Variants in SYTL5 observed in about 807,000 individuals in gnomAD.
SYTL5 encodes synaptotagmin-like protein 5.
In SYTL5, 34 loss-of-function variants were observed where a neutral mutation model predicts 55.9. That is an observed-to-expected ratio of 0.61 (90% CI 0.46 to 0.81). The LOEUF is 0.81. Among genes scored for constraint, SYTL5 ranks in the 30% least tolerant of loss-of-function variants. The pLI is 0.00. For missense variants in SYTL5, 637 were observed against 546.7 expected (o/e 1.17, Z -1.65); for synonymous variants, 221 against 188.7 (o/e 1.17, Z -1.40).
At chrX:37,940,024 T>C in the SYTL5 span, among the ~76,000 whole-genome samples, 2 of 109,969 alleles carry the variant, frequency 1.8e-5, no homozygotes, top group African/African-American at 6.6e-5. Context: ...TTAGTAGAGA[T>C]GAGGTTTCAC....
chrX:37,891,722 G>A, the SYTL5 span, among the ~76,000 whole-genome samples: 1 of 111,615 alleles, frequency 9.0e-6, no homozygotes, highest in Non-Finnish European at 1.9e-5. Flanking sequence ...TTTCATATGA[G>A]TGTTTGTGTT....
the SYTL5 span, among the ~76,000 whole-genome samples, chrX:37,970,500 T>G: frequency 8.4e-3 from 930 of 110,852 alleles, 6 homozygotes; most frequent in Middle Eastern, 0.02. Context: ...ATAAGAATAT[T>G]TTTTTAAAAA....
chrX:37,904,942 T>C, the SYTL5 span, among the ~76,000 whole-genome samples: 9 of 111,185 alleles, frequency 8.1e-5, no homozygotes, highest in Admixed American at 2.9e-4. Flanking sequence ...CCTTCCAGTT[T>C]TGATATGGTG....
the SYTL5 span, among the ~76,000 whole-genome samples, chrX:37,916,415 A>G: frequency 6.8e-3 from 762 of 112,817 alleles, 6 homozygotes; most frequent in African/African-American, 0.023. Context: ...CTGCTTAAGC[A>G]TACAGGAAAG....
At chrX:37,931,500 A>G in the SYTL5 span, among the ~76,000 whole-genome samples, 1 of 111,737 alleles carries the variant, frequency 8.9e-6, no homozygotes, top group South Asian at 3.7e-4. Flanking sequence ...ATAAAAAGTG[A>G]CTATATCACT....
chrX:37,930,616 A>AT, the SYTL5 span, among the ~76,000 whole-genome samples: 14 of 111,856 alleles, frequency 1.3e-4, no homozygotes, highest in Non-Finnish European at 2.4e-4. Context: ...GGGGAAGTAC[A>AT]TTTTTCCTTG....
chrX:37,959,879 G>A, the SYTL5 span, among the ~76,000 whole-genome samples: 1 of 111,631 alleles, frequency 9.0e-6, no homozygotes, highest in Non-Finnish European at 1.9e-5. Flanking sequence ...GGCTGTTCAT[G>A]CCATCCTTTG....
chrX:38,061,383 C>T (rs186710348), intron 3 of SYTL5, among the ~76,000 whole-genome samples: 2 of 111,588 alleles, frequency 1.8e-5, no homozygotes, highest in African/African-American at 3.3e-5. Flanking sequence ...AAAACGGAAG[C>T]ATAAATAATA....
chrX:37,893,552 G>T, the SYTL5 span, among the ~76,000 whole-genome samples: 1 of 84,246 alleles, frequency 1.2e-5, no homozygotes, highest in South Asian at 5.2e-4. Flanking sequence ...ATAATCTATA[G>T]ATTATAGATT....
intron 13 of SYTL5, among the ~76,000 whole-genome samples, chrX:38,111,586 T>A (rs192392784): frequency 3.6e-5 from 4 of 112,334 alleles, no homozygotes; most frequent in Non-Finnish European, 7.5e-5. Context: ...TCTCTTCTTA[T>A]CTTCATTGGC....
chrX:37,909,380 T>C, the SYTL5 span, among the ~76,000 whole-genome samples: 1 of 112,438 alleles, frequency 8.9e-6, no homozygotes, highest in Non-Finnish European at 1.9e-5. Flanking sequence ...ATCAAGCTTG[T>C]CCAACCTGTG....
At chrX:37,905,445 G>T in the SYTL5 span, among the ~76,000 whole-genome samples, 2 of 106,532 alleles carry the variant, frequency 1.9e-5, no homozygotes, top group African/African-American at 3.5e-5. Flanking sequence ...GTGTGGGGGG[G>T]GCGTGGGGGG....
At chrX:37,974,744 A>G in the SYTL5 span, among the ~76,000 whole-genome samples, 1 of 112,582 alleles carries the variant, frequency 8.9e-6, no homozygotes, top group Non-Finnish European at 1.9e-5. Context: ...AAATGTTACA[A>G]AAAGTTTCAA....
intron 16 of SYTL5, among the ~76,000 whole-genome samples, chrX:38,126,338 G>A (rs917509004): frequency 1.8e-5 from 2 of 112,371 alleles, no homozygotes; most frequent in Admixed American, 9.4e-5. Flanking sequence ...CCAGCTCTCT[G>A]CTAAAGTAGG....
chrX:37,982,671 G>A, the SYTL5 span, among the ~76,000 whole-genome samples: 3 of 111,314 alleles, frequency 2.7e-5, no homozygotes, highest in East Asian at 8.3e-4. Flanking sequence ...CCACAAAAGG[G>A]GATGGGTGGG....
chrX:38,077,561 T>C (rs1334027645), intron 6 of SYTL5, among the ~76,000 whole-genome samples: 7 of 111,040 alleles, frequency 6.3e-5, no homozygotes, highest in Non-Finnish European at 5.7e-5. Context: ...GGACACTATT[T>C]TGACTATTGG....
chrX:38,114,178 A>G (rs745562272), intron 13 of SYTL5, among the ~76,000 whole-genome samples: 6 of 111,392 alleles, frequency 5.4e-5, no homozygotes, highest in African/African-American at 1.6e-4. Context: ...CACTCCCCTG[A>G]TCACATTTGA....
the SYTL5 span, among the ~76,000 whole-genome samples, chrX:37,962,323 G>A: frequency 9.2e-6 from 1 of 109,179 alleles, no homozygotes; most frequent in Admixed American, 9.7e-5. Context: ...AACATGCAGT[G>A]TTTGTTTTTT....
intron 7 of SYTL5, 80 bp downstream of exon 7, chrX:38,089,667 A>G: frequency 9.7e-7 from 1 of 1,033,773 alleles, no homozygotes; most frequent in Non-Finnish European, 1.3e-6. Context: ...TGGGTAATTT[A>G]TAAACAAAAG....
Sources: allele counts gnomAD v4.1 joint callset (sites outside exome capture counted in the v4.1 genomes callset), GRCh38; gene constraint gnomAD v4.1.1; transcripts MANE v1.5; gene names NCBI Gene and HGNC (gene_info 2026-07-23, HGNC 2026-07-21).